BMPER: variants seen among roughly 807,000 people sequenced by gnomAD.
BMPER encodes the protein BMP-binding endothelial regulator protein.
BMPER carries 45 observed loss-of-function variants against 87.3 expected under a neutral mutation model. The ratio of observed to expected loss-of-function variants is 0.52; its 90% CI spans 0.41 to 0.66. The LOEUF is 0.66. BMPER is among the 30% of genes least tolerant of loss of function. The pLI is 0.00. For missense variants in BMPER, 784 were observed against 867.5 expected (o/e 0.90, Z 1.21); for synonymous variants, 326 against 316.2 (o/e 1.03, Z -0.33).
chr7:34,025,089 A>G (rs946612910), intron 6 of BMPER, among the ~76,000 whole-genome samples: 2 of 152,078 alleles, frequency 1.3e-5, no homozygotes, highest in Non-Finnish European at 2.9e-5. Context: ...TGTAGACTTC[A>G]CGCAAATTGT....
chr7:33,945,340 T>A lies in BMPER; in HGVS notation c.319+7952T>A, dbSNP rs1585664875. ...ATCTTGGCTCACTGCAACCTTCGAC[T>A]CCTGGATTCAAGTGATTCTCTTGCC... is the stretch of plus-strand genomic sequence containing the variant. On this transcript the variant is annotated intron_variant, in intron 3 of 14. Transcript: ENST00000649409. Among the ~76,000 whole-genome samples, 4 of 145,172 alleles carry A rather than the reference T, an allele frequency of 2.8e-5. No individual in the cohort carries two copies. The Middle Eastern group carries it at 0.015, about 534-fold the overall frequency.
At position 33,936,025 on chromosome 7, in the gene BMPER, T is replaced by C. The variant is rs115215628; in HGVS notation, c.220-1264T>C. On this transcript the variant is annotated intron_variant, in intron 2 of 14. Coordinates refer to ENST00000649409, the MANE Select transcript of BMPER (RefSeq NM_001365308.1). ...ACTCACTCTCAGCTCACACACAAGC[T>C]CGCAGGCACATATGCACATGCACAC... is the stretch of plus-strand genomic sequence containing the variant. Among the ~76,000 whole-genome samples, 544 of 152,044 alleles carry C rather than the reference T, an allele frequency of 3.6e-3. 6 individuals carry two copies. The highest frequency in any genetic ancestry group is 0.012 in the African/African-American group (514 of 41,460).
At chr7:34,089,775 T>A (rs752368738) in intron 13 of BMPER, among the ~76,000 whole-genome samples, 9 of 152,184 alleles carry the variant, frequency 5.9e-5, no homozygotes, top group Admixed American at 2.0e-4. Flanking sequence ...TGAGCCACTG[T>A]GCCCACCCTG....
chr7:34,019,508 A>T (rs889471642), intron 6 of BMPER, among the ~76,000 whole-genome samples: 1 of 152,044 alleles, frequency 6.6e-6, no homozygotes, highest in African/African-American at 2.4e-5. Context: ...GAATGAGCTC[A>T]TGCAGCCTTC....
intron 6 of BMPER, among the ~76,000 whole-genome samples, chr7:33,992,460 CA>C (rs1585714302): frequency 7.0e-6 from 1 of 143,636 alleles, no homozygotes; most frequent in East Asian, 2.0e-4. Flanking sequence ...TTTTGTTTTC[CA>C]TTGGCTTGGT....
chr7:34,149,307 G>A (rs946671706), intron 14 of BMPER, among the ~76,000 whole-genome samples: 2 of 152,116 alleles, frequency 1.3e-5, no homozygotes, highest in East Asian at 3.9e-4. Context: ...TCTGATTAAG[G>A]ACTATAGCTG....
chr7:34,050,632 A>C (rs564194576), intron 7 of BMPER, among the ~76,000 whole-genome samples: 1 of 152,338 alleles, frequency 6.6e-6, no homozygotes, highest in African/African-American at 2.4e-5. Flanking sequence ...TTTTACAAGA[A>C]GAAAGAGTGG....
chr7:34,124,498 T>C lies in BMPER; in HGVS notation c.1746-18732T>C, dbSNP rs568056931. 1.6e-4 allele frequency among the ~76,000 whole-genome samples: 25 copies of C among 152,168 alleles called. No homozygotes were observed. In the South Asian group the frequency reaches 4.8e-3, roughly 29 times the overall value. On this transcript the variant is annotated intron_variant, in intron 13 of 14. Coordinates refer to ENST00000649409, the MANE Select transcript of BMPER (RefSeq NM_001365308.1). Reference sequence around the variant, plus strand: ...ATGGATTAGCATTGTGAAGTGGGTCTTTTTGTATAGTTTAATGTCTTAAGC... The same window carrying C: ...ATGGATTAGCATTGTGAAGTGGGTCCTTTTGTATAGTTTAATGTCTTAAGC...
At chr7:33,937,521 T>G (rs1784635746) in intron 3 of BMPER, 133 bp downstream of exon 3, 3 of 762,890 alleles carry the variant, frequency 3.9e-6, no homozygotes, top group Non-Finnish European at 6.7e-6. Context: ...AGGGTGTGTG[T>G]GTGTGTGTGT....
chr7:34,010,600 T>C (rs1276594925), intron 6 of BMPER, among the ~76,000 whole-genome samples: 1 of 151,882 alleles, frequency 6.6e-6, no homozygotes, highest in African/African-American at 2.4e-5. Context: ...GATCCAGTAT[T>C]TTTTAAATCA....
chr7:34,044,435 C>T lies in BMPER; in HGVS notation c.577-1871C>T, dbSNP rs528478869. Among the ~76,000 whole-genome samples, 12 of 152,286 alleles carry T rather than the reference C, an allele frequency of 7.9e-5. No homozygotes were observed. In the South Asian group the frequency reaches 8.3e-4, roughly 11 times the overall value. On this transcript the variant is annotated intron_variant, in intron 6 of 14. Transcript: ENST00000649409. Reference sequence around the variant, plus strand: ...AGTACATAGGCAACCTTGTGTGGCCCGAGGCTTCAGGATTTTAGGAAGTTG... The same window carrying T: ...AGTACATAGGCAACCTTGTGTGGCCTGAGGCTTCAGGATTTTAGGAAGTTG...
intron 13 of BMPER, among the ~76,000 whole-genome samples, chr7:34,087,490 C>A (rs1190280059): frequency 6.6e-6 from 1 of 152,196 alleles, no homozygotes; most frequent in African/African-American, 2.4e-5. Context: ...AAACAATGAC[C>A]TAAGCTCTCT....
At chr7:34,040,612 T>C (rs1211944447) in intron 6 of BMPER, among the ~76,000 whole-genome samples, 2 of 152,050 alleles carry the variant, frequency 1.3e-5, no homozygotes, top group East Asian at 1.9e-4. Context: ...CCACTAAAAG[T>C]TTTAAAGCAT....
chr7:34,005,592 TG>T lies in BMPER; in HGVS notation c.576+30813del, dbSNP rs554253150. ...CCTCCTATTTTATTTTTTGCAGAGA[TG>T]GGGGTCTCACTTTATTGCCCAGTCT... is the stretch of plus-strand genomic sequence containing the variant. On this transcript the variant is annotated intron_variant, in intron 6 of 14. Transcript: ENST00000649409. 9.2e-5 allele frequency among the ~76,000 whole-genome samples: 14 copies of T among 152,024 alleles called. 1 individual carries two copies. In the South Asian group the frequency reaches 2.7e-3, roughly 29 times the overall value.
At chr7:34,010,010 G>T (rs527588118) in intron 6 of BMPER, among the ~76,000 whole-genome samples, 2 of 151,946 alleles carry the variant, frequency 1.3e-5, no homozygotes, top group South Asian at 2.1e-4. Flanking sequence ...TCCTTATGCT[G>T]GTGTCAGTGG....
chr7:34,055,205 G>A lies in BMPER; in HGVS notation c.829G>A (p.Gly277Ser). 6.2e-7 allele frequency: 1 copy of A among 1,614,146 alleles called. No homozygotes were observed. Among genetic ancestry groups the A allele is most frequent in the Non-Finnish European group, 8.5e-7 (1 of 1,180,022 alleles). ...VCKRKCSHPG[G>S]CDQGQEGCCE... ...CAAGAGGAAGTGCTCCCACCCTGGT[G>A]GCTGTGACCAAGGCCAGGAGGGCTG... Residue 277 changes from glycine (G) to serine (S), a missense_variant, in exon 9 of 15, where the codon GGC becomes AGC. Transcript: ENST00000649409.
In BMPER at chr7:34,063,077, A is replaced by G. The variant is rs555624782; in HGVS notation, c.1078+1030A>G. On this transcript the variant is annotated intron_variant, in intron 11 of 14. Coordinates refer to ENST00000649409, the MANE Select transcript of BMPER (RefSeq NM_001365308.1). ...CCATTTTAGTCCTCCTGAAATTCAT[A>G]TGGTTTTGAGATAGCTTCCTGGAGT... 7.2e-5 allele frequency among the ~76,000 whole-genome samples: 11 copies of G among 152,322 alleles called. No homozygotes were observed. In the East Asian group the frequency reaches 1.3e-3, roughly 19 times the overall value.
At chr7:34,115,328 A>G (rs1004772411) in intron 13 of BMPER, among the ~76,000 whole-genome samples, 9 of 152,236 alleles carry the variant, frequency 5.9e-5, no homozygotes, top group African/African-American at 2.2e-4. Flanking sequence ...AAAAAACACT[A>G]GTGTTATTTA....
chr7:33,916,650 C>T (rs781025579), intron 2 of BMPER, among the ~76,000 whole-genome samples: 6 of 152,232 alleles, frequency 3.9e-5, no homozygotes, highest in Non-Finnish European at 8.8e-5. Context: ...GAGCCTGCTG[C>T]TGCTTCTTCT....
Sources: allele counts gnomAD v4.1 joint callset (sites outside exome capture counted in the v4.1 genomes callset), GRCh38; gene constraint gnomAD v4.1.1; transcripts MANE v1.5; gene names NCBI Gene and HGNC (gene_info 2026-07-23, HGNC 2026-07-21).